Variants in SLC2A9 observed in about 807,000 individuals in gnomAD.
SLC2A9 encodes solute carrier family 2, facilitated glucose transporter member 9.
Under a neutral mutation model 50.6 loss-of-function variants are expected in SLC2A9, and 39 were observed. That is an observed-to-expected ratio of 0.77 (90% confidence interval 0.60 to 1.01). The LOEUF (loss-of-function observed/expected upper bound fraction) is 1.01, where lower values mean the gene tolerates loss of function less well. Ranked by LOEUF, SLC2A9 falls within the 50% of genes least tolerant of loss-of-function variation. The pLI, the probability that SLC2A9 is intolerant of heterozygous loss-of-function variation, is 0.00. For missense variants in SLC2A9, 686 were observed against 677.6 expected (o/e 1.01, Z -0.14); for synonymous variants, 324 against 276.9 (o/e 1.17, Z -1.69).
At chr4:9,922,390 G>A (rs1382996709) in intron 6 of SLC2A9, among the ~76,000 whole-genome samples, 2 of 152,074 alleles carry the variant, frequency 1.3e-5, no homozygotes, top group Non-Finnish European at 2.9e-5. Flanking sequence ...CCTAGGTGAT[G>A]GGTTGATAGG....
chr4:9,902,396 GTCTT>G (rs1739801964), intron 8 of SLC2A9, among the ~76,000 whole-genome samples: 1 of 152,232 alleles, frequency 6.6e-6, no homozygotes, highest in African/African-American at 2.4e-5. Context: ...TCGTCTTCTA[GTCTT>G]TGAGAGGTAG....
intron 5 of SLC2A9, among the ~76,000 whole-genome samples, chr4:9,950,465 G>A (rs1461968422): frequency 6.6e-6 from 1 of 152,112 alleles, no homozygotes; most frequent in Non-Finnish European, 1.5e-5. Context: ...GATGTCCTCT[G>A]CCTTGCTTGG....
chr4:9,810,800 G>A lies in SLC2A9; in HGVS notation n.421-11559C>T, dbSNP rs192533880. Among the ~76,000 whole-genome samples, 7 of 152,316 alleles carry A rather than the reference G, an allele frequency of 4.6e-5. No individual in the cohort carries two copies. The East Asian group carries it at 5.8e-4, about 13-fold the overall frequency. ...TTCCAAAGGAAGGAGAGATCGGACA[G>A]GTTGAGCCTGTAAGCTGGGGCATTT... On this transcript the variant is annotated intron_variant and non_coding_transcript_variant, in intron 3 of 3. Transcript: ENST00000503280.
At chr4:9,929,338 T>G (rs881971) in intron 6 of SLC2A9, among the ~76,000 whole-genome samples, 2,204 of 152,134 alleles carry the variant, frequency 0.014, 33 homozygotes, top group Non-Finnish European at 0.023. Context: ...AGGTGCATCT[T>G]GGGGAGACTT....
chr4:9,901,533 A>G (rs1374506991), intron 8 of SLC2A9, among the ~76,000 whole-genome samples: 1 of 152,180 alleles, frequency 6.6e-6, no homozygotes, highest in African/African-American at 2.4e-5. Context: ...TTAAAGCATG[A>G]CCTGGCACTC....
chr4:9,799,704 C>CA (rs1388361188), intron 3 of SLC2A9, among the ~76,000 whole-genome samples: 2 of 130,690 alleles, frequency 1.5e-5, no homozygotes, highest in Non-Finnish European at 3.2e-5. Context: ...CCCCCCCCCA[C>CA]CCAACTTCTA....
intron 10 of SLC2A9, among the ~76,000 whole-genome samples, chr4:9,861,202 G>A (rs1207373162): frequency 6.6e-6 from 1 of 152,146 alleles, no homozygotes; most frequent in Non-Finnish European, 1.5e-5. Flanking sequence ...TTCTGCGGAG[G>A]TCTCAGGAAT....
chr4:9,941,359 C>A (rs1039065323), intron 6 of SLC2A9, among the ~76,000 whole-genome samples: 7 of 152,112 alleles, frequency 4.6e-5, no homozygotes, highest in African/African-American at 9.7e-5. Flanking sequence ...TTTTTCTCCC[C>A]TGTAAAATGA....
chr4:9,819,116 C>CAAAAAAAA (rs60751108), intron 3 of SLC2A9, among the ~76,000 whole-genome samples: 1 of 57,374 alleles, frequency 1.7e-5, no homozygotes, highest in African/African-American at 5.4e-5. Context: ...GAGACTGTCT[C>CAAAAAAAA]AAAAAAAAAA....
At chr4:10,029,880 C>T (rs371638937) in intron 1 of SLC2A9, among the ~76,000 whole-genome samples, 1 of 152,052 alleles carries the variant, frequency 6.6e-6, no homozygotes. Context: ...AGGTGATCTA[C>T]CTGCCTCAGC....
chr4:9,836,234 G>A (rs12643735), intron 10 of SLC2A9, among the ~76,000 whole-genome samples: 30,478 of 151,102 alleles, frequency 0.2, 3,461 homozygotes, highest in African/African-American at 0.27. Context: ...TCAAAATCTC[G>A]GAAATCACCA....
chr4:9,802,391 CCT>C (rs1468965925), intron 3 of SLC2A9, among the ~76,000 whole-genome samples: 1 of 151,734 alleles, frequency 6.6e-6, no homozygotes, highest in African/African-American at 2.4e-5. Flanking sequence ...CCCTGCAGCG[CCT>C]CCCCAGGACA....
At position 9,994,103 on chromosome 4, in the gene SLC2A9, G is replaced by A. The variant is rs180736626; in HGVS notation, c.410+2678C>T. On this transcript the variant is annotated intron_variant, in intron 3 of 11. Coordinates refer to ENST00000264784, the MANE Select transcript of SLC2A9 (RefSeq NM_020041.3). ...AGGAATAACAGAGCATCAGGAAGGC[G>A]TTTCAAATAGCATCATGTCACAGGA... Among the ~76,000 whole-genome samples the A allele has an allele frequency of 5.3e-5, 8 of 152,352 alleles. No individual in the cohort carries two copies. The South Asian group carries it at 6.2e-4, about 12-fold the overall frequency.
chr4:9,890,043 G>T (rs1435718555), intron 9 of SLC2A9, among the ~76,000 whole-genome samples: 1 of 152,172 alleles, frequency 6.6e-6, no homozygotes, highest in Non-Finnish European at 1.5e-5. Context: ...TGCTTTCAGT[G>T]CATTTTCTCA....
chr4:10,028,217 C>G (rs1400992755), intron 1 of SLC2A9, among the ~76,000 whole-genome samples: 2 of 152,226 alleles, frequency 1.3e-5, no homozygotes, highest in Non-Finnish European at 2.9e-5. Context: ...CATGGTGGGT[C>G]AGTCCTGATA....
intron 11 of SLC2A9, among the ~76,000 whole-genome samples, chr4:9,827,157 C>T (rs961924021): frequency 2.0e-5 from 3 of 152,220 alleles, no homozygotes; most frequent in South Asian, 2.1e-4. Flanking sequence ...GCAATCACTC[C>T]GTTTTATGTA....
At chr4:9,942,066 G>A in intron 5 of SLC2A9, 21 bp from the exon 6 acceptor site, 1 of 1,613,766 alleles carries the variant, frequency 6.2e-7, no homozygotes, top group Non-Finnish European at 8.5e-7. Flanking sequence ...AGGAGATGCT[G>A]CTGAGTGCAG....
At chr4:10,018,542 AAGATGAT>A (rs1553915006) in intron 2 of SLC2A9, among the ~76,000 whole-genome samples, 1 of 137,228 alleles carries the variant, frequency 7.3e-6, no homozygotes, top group African/African-American at 2.7e-5. Context: ...CTCCATCTCA[AAGATGAT>A]AGATAGATAG....
chr4:10,002,581 A>C (rs1164378475), intron 2 of SLC2A9, among the ~76,000 whole-genome samples: 1 of 152,238 alleles, frequency 6.6e-6, no homozygotes, highest in Non-Finnish European at 1.5e-5. Flanking sequence ...GGCTGGGTGC[A>C]GTGGCTCATG....
Sources: gnomAD v4.1 joint callset for allele counts (sites outside exome capture counted in the v4.1 genomes callset) on GRCh38, gnomAD v4.1.1 for gene constraint, MANE v1.5 for transcripts, NCBI Gene and HGNC (gene_info 2026-07-23, HGNC 2026-07-21) for gene names.